KLRD1: variants seen among roughly 807,000 people sequenced by gnomAD.
The protein encoded by KLRD1 is killer cell lectin like receptor D1.
Under a neutral mutation model 22.6 loss-of-function variants are expected in KLRD1, and 21 were observed. The observed-to-expected ratio is 0.93, with a 90% CI of 0.66 to 1.34. KLRD1 has a LOEUF of 1.34. Among genes scored for constraint, KLRD1 ranks in the 40% most tolerant of loss-of-function variants. The pLI, the probability that KLRD1 is intolerant of heterozygous loss-of-function variation, is 0.00. For missense variants in KLRD1, 183 were observed against 208.6 expected, an observed-to-expected ratio of 0.88 and a Z score of 0.76; for synonymous variants, 59 against 71.1, an observed-to-expected ratio of 0.83 and a Z score of 0.85.
chr12:10,288,099 C>T (rs1045835243), intron 1 of KLRD1, among the ~76,000 whole-genome samples: 3 of 149,904 alleles, frequency 2.0e-5, no homozygotes, highest in Non-Finnish European at 4.4e-5. Flanking sequence ...AAAAATTAGC[C>T]AGGCATGGTG....
chr12:10,254,852 T>C (rs1429400120), intron 1 of KLRD1, among the ~76,000 whole-genome samples: 1 of 132,704 alleles, frequency 7.5e-6, no homozygotes, highest in Non-Finnish European at 1.7e-5. Flanking sequence ...GAGATTGCGC[T>C]ACCGCACTCC....
At chr12:10,296,714 C>G (rs374340471) in intron 1 of KLRD1, among the ~76,000 whole-genome samples, 1 of 152,114 alleles carries the variant, frequency 6.6e-6, no homozygotes, top group East Asian at 1.9e-4. Context: ...TGACTATTCT[C>G]TTATAAAAGA....
At chr12:10,265,851 T>C (rs1277273896) in intron 1 of KLRD1, among the ~76,000 whole-genome samples, 1 of 152,258 alleles carries the variant, frequency 6.6e-6, no homozygotes, top group Non-Finnish European at 1.5e-5. Flanking sequence ...CTTCTTCATT[T>C]ATGGAGCATA....
At chr12:10,294,984 T>C (rs926153604) in intron 1 of KLRD1, among the ~76,000 whole-genome samples, 2 of 152,170 alleles carry the variant, frequency 1.3e-5, no homozygotes, top group African/African-American at 4.8e-5. Flanking sequence ...AGGGTAGTAA[T>C]TGGAAGGTTA....
chr12:10,262,979 A>C (rs1262410253), intron 1 of KLRD1, among the ~76,000 whole-genome samples: 2 of 152,078 alleles, frequency 1.3e-5, no homozygotes, highest in East Asian at 3.8e-4. Flanking sequence ...CCAGGCAGTC[A>C]GGAAAAAACA....
rs989568223 is a variant in KLRD1 at position 10,329,155 on chromosome 12, ACTTTT to A, written c.*14368_*14372del. ...TTAATGCAGATATTCATCACTATAA[ACTTTT>A]CTTTTAGCCCTACTTTTACTACATC... On this transcript the variant is annotated 3_prime_UTR_variant, in exon 6 of 6. Transcript: ENST00000336164. The A allele has an allele frequency of 2.0e-5, 3 of 151,932 alleles. No individual in the cohort carries two copies. The highest frequency in any genetic ancestry group is 4.8e-5 in the African/African-American group (2 of 41,370). The allele number at this position is 151,932 out of a possible 1,614,324, so 9.4% of individuals were successfully genotyped here.
At position 10,277,737 on chromosome 12, in the gene KLRD1, T is replaced by C. The variant is rs150184800; in HGVS notation, c.-100-30241T>C. Among the ~76,000 whole-genome samples the C allele has an allele frequency of 3.2e-4, 48 of 152,324 alleles. No homozygotes were observed. In the East Asian group the frequency reaches 7.9e-3, roughly 25 times the overall value. Reference sequence around the variant, plus strand: ...GAAATTATAATTTTTATTTATTTTATGATATTACTTCAATTAGTCCCTCTG... The same window carrying C: ...GAAATTATAATTTTTATTTATTTTACGATATTACTTCAATTAGTCCCTCTG... On this transcript the variant is annotated intron_variant, in intron 1 of 5. Transcript: ENST00000544747.
chr12:10,308,038 A>G lies in KLRD1; in HGVS notation c.-40A>G, dbSNP rs150836079. ...CGCTGTTCTTTCTGAAAAAGTACAC[A>G]TCGTGCCTTCTCTACTTCGCTCTTG... On this transcript the variant is annotated 5_prime_UTR_variant, in exon 1 of 6. Coordinates refer to ENST00000336164, the MANE Select transcript of KLRD1 (RefSeq NM_002262.5). 5 of 1,597,738 alleles carry G rather than the reference A, an allele frequency of 3.1e-6. No homozygotes were observed. The highest frequency in any genetic ancestry group is 1.3e-5 in the African/African-American group (1 of 74,714).
intron 1 of KLRD1, among the ~76,000 whole-genome samples, chr12:10,278,990 T>G (rs1195753146): frequency 3.3e-5 from 5 of 151,524 alleles, no homozygotes; most frequent in Admixed American, 6.6e-5. Context: ...AGCATCAGTT[T>G]TTTTTTTTTT....
intron 1 of KLRD1, among the ~76,000 whole-genome samples, chr12:10,243,607 C>CAAAAAAAAAAAAAAAAAAAAA (rs34864670): frequency 3.5e-5 from 1 of 28,794 alleles, no homozygotes; most frequent in African/African-American, 2.0e-4. Flanking sequence ...AGTGAGACTC[C>CAAAAAAAAAAAAAAAAAAAAA]AAAAAAAAAA....
chr12:10,320,253 C>T lies in KLRD1; in HGVS notation c.*5460C>T. On this transcript the variant is annotated 3_prime_UTR_variant, in exon 6 of 6. Transcript: ENST00000336164. ...TATTTTGGTACCAAGAATGAAGTTA[C>T]TATTATAAAGAAAAAAAAAAACCAC... 1 of 76,858 alleles carries T rather than the reference C, an allele frequency of 1.3e-5. No individual in the cohort carries two copies. The highest frequency in any genetic ancestry group is 3.1e-5 in the Non-Finnish European group (1 of 31,884). The allele number at this position is 76,858 out of a possible 1,614,324, so 4.8% of individuals were successfully genotyped here. A position where few individuals can be genotyped will look rare whatever the true frequency, so the allele number is the denominator to read the frequency against.
chr12:10,255,838 T>C (rs1949390434), intron 1 of KLRD1, among the ~76,000 whole-genome samples: 1 of 152,170 alleles, frequency 6.6e-6, no homozygotes, highest in Non-Finnish European at 1.5e-5. Context: ...ATATGTCTTT[T>C]AGGTCCAGTT....
At position 10,309,635 on chromosome 12, in the gene KLRD1, A is replaced by G; in HGVS notation, c.110A>G (p.Lys37Arg). 6.2e-7 allele frequency: 1 copy of G among 1,611,480 alleles called. No individual in the cohort carries two copies. Among genetic ancestry groups the G allele is most frequent in the Non-Finnish European group, 8.5e-7 (1 of 1,177,788 alleles). Residue 37 changes from lysine to arginine, a missense_variant, in exon 3 of 6, where the codon AAA becomes AGA. Physicochemically the swap from Lys to Arg is conservative, Grantham distance 26. Coordinates refer to ENST00000336164, the MANE Select transcript of KLRD1 (RefSeq NM_002262.5). ...LGILLKNSFTKLSIEPAFTPG... is the reference protein window; with the variant it reads ...LGILLKNSFTRLSIEPAFTPG... ...TAATCATTTCTTATAGCTTTTACTAAACTGAGTATTGAGCCAGCATTTACT... is the reference window on the plus strand; with the variant it reads ...TAATCATTTCTTATAGCTTTTACTAGACTGAGTATTGAGCCAGCATTTACT...
chr12:10,289,781 A>AT (rs1949748282), intron 1 of KLRD1, among the ~76,000 whole-genome samples: 2 of 151,868 alleles, frequency 1.3e-5, no homozygotes, highest in Admixed American at 6.6e-5. Flanking sequence ...TGAATTTGTA[A>AT]TTTTTTTTGT....
intron 1 of KLRD1, among the ~76,000 whole-genome samples, chr12:10,263,052 C>T (rs1279935431): frequency 1.3e-5 from 2 of 151,992 alleles, no homozygotes; most frequent in African/African-American, 4.8e-5. Flanking sequence ...TCACAAAGTA[C>T]TGTTTATCAC....
chr12:10,286,045 C>G (rs940291821), intron 1 of KLRD1, among the ~76,000 whole-genome samples: 4 of 152,210 alleles, frequency 2.6e-5, no homozygotes, highest in Non-Finnish European at 4.4e-5. Context: ...GCCATTTCCT[C>G]TACCCATTAC....
At position 10,252,054 on chromosome 12, in the gene KLRD1, G is replaced by A. The variant is rs186363848; in HGVS notation, c.-101+25821G>A. On this transcript the variant is annotated intron_variant, in intron 1 of 5. Coordinates refer to the KLRD1 transcript ENST00000544747. ...GAGACAACATACCAGTTCCTCAGAGGAAACAAAGATTTTCTTAAAAATCAC... is the reference window on the plus strand; with the variant it reads ...GAGACAACATACCAGTTCCTCAGAGAAAACAAAGATTTTCTTAAAAATCAC... 1.9e-3 allele frequency among the ~76,000 whole-genome samples: 286 copies of A among 152,214 alleles called. 1 individual carries two copies. Among genetic ancestry groups the A allele is most frequent in the Non-Finnish European group, 2.1e-3 (142 of 68,016 alleles).
chr12:10,248,352 T>TA (rs1178491234), intron 1 of KLRD1, among the ~76,000 whole-genome samples: 2 of 152,012 alleles, frequency 1.3e-5, no homozygotes, highest in African/African-American at 4.8e-5. Context: ...GCACTCTTTT[T>TA]AAAAAAATGG....
At chr12:10,256,229 C>T (rs1420312184) in intron 1 of KLRD1, among the ~76,000 whole-genome samples, 1 of 151,818 alleles carries the variant, frequency 6.6e-6, no homozygotes, top group Non-Finnish European at 1.5e-5. Context: ...TTTATAGACA[C>T]CTTCTTATTA....
Sources: gnomAD v4.1 joint callset for allele counts (sites outside exome capture counted in the v4.1 genomes callset) on GRCh38, gnomAD v4.1.1 for gene constraint, MANE v1.5 for transcripts, NCBI Gene and HGNC (gene_info 2026-07-23, HGNC 2026-07-21) for gene names.